Variants in SMARCC1 observed in about 807,000 individuals in gnomAD.
The protein encoded by SMARCC1 is SWI/SNF related BAF chromatin remodeling complex subunit C1, also known as SWI/SNF complex subunit SMARCC1.
SMARCC1 carries 43 observed loss-of-function variants against 147.4 expected under a neutral mutation model. The ratio of observed to expected loss-of-function variants is 0.29; its 90% CI spans 0.23 to 0.38. SMARCC1 has a LOEUF of 0.38. Ranked by LOEUF, SMARCC1 falls within the 10% of genes least tolerant of loss-of-function variation. The pLI, the probability that SMARCC1 is intolerant of heterozygous loss-of-function variation, is 1.00. For synonymous variants in SMARCC1, 495 were observed against 484.4 expected (o/e 1.02, Z -0.29); for missense variants, 1,119 against 1,381.1 (o/e 0.81, Z 3.01).
chr3:47,588,375 G>C, intron 27 of SMARCC1, 69 bp from the exon 28 acceptor site: 2 of 1,432,656 alleles, frequency 1.4e-6, no homozygotes, highest in Non-Finnish European at 1.9e-6. Context: ...AGCCTATTCA[G>C]TGAAAAAAAG....
At chr3:47,706,293 A>C in intron 10 of SMARCC1, 116 bp downstream of exon 10, 1 of 950,272 alleles carries the variant, frequency 1.1e-6, no homozygotes, top group Non-Finnish European at 1.4e-6. Flanking sequence ...GCTGGATTTG[A>C]ACTACTGACC....
At chr3:47,719,336 T>C (rs2034202053) in intron 7 of SMARCC1, among the ~76,000 whole-genome samples, 1 of 152,224 alleles carries the variant, frequency 6.6e-6, no homozygotes, top group Non-Finnish European at 1.5e-5. Flanking sequence ...AAATTTCTGA[T>C]GAGAAAACTC....
chr3:47,723,074 TA>T lies in SMARCC1; in HGVS notation c.647-2340del, dbSNP rs1295998614. 5.3e-5 allele frequency among the ~76,000 whole-genome samples: 8 copies of T among 152,152 alleles called. No homozygotes were observed. In the South Asian group the frequency reaches 1.7e-3, roughly 31 times the overall value. ...ACTGGTTTGGTGTGTGAGAGTTAGA[TA>T]AGGAGACGGTTACAGCTATATACTC... On this transcript the variant is annotated intron_variant, in intron 6 of 27. Coordinates refer to ENST00000254480, the MANE Select transcript of SMARCC1 (RefSeq NM_003074.4).
chr3:47,680,927 A>G (rs1022797829), intron 14 of SMARCC1, among the ~76,000 whole-genome samples: 8 of 152,328 alleles, frequency 5.3e-5, no homozygotes, highest in Middle Eastern at 3.4e-3. Context: ...ACTGCTTGCC[A>G]AAATTAATTG....
chr3:47,680,794 G>A (rs1289112667), intron 14 of SMARCC1, among the ~76,000 whole-genome samples: 2 of 151,868 alleles, frequency 1.3e-5, no homozygotes, highest in Non-Finnish European at 1.5e-5. Context: ...TGATCCGCCC[G>A]CCTCGGCCTC....
intron 27 of SMARCC1, 25 bp from the exon 28 acceptor site, chr3:47,588,331 CGTT>C (rs2032111539): frequency 9.4e-6 from 15 of 1,596,582 alleles, no homozygotes; most frequent in African/African-American, 1.3e-5. Flanking sequence ...AAGAGTAACT[CGTT>C]ATTGCTGGAA....
chr3:47,720,216 CG>C (rs1576421481), intron 7 of SMARCC1, among the ~76,000 whole-genome samples: 1 of 152,078 alleles, frequency 6.6e-6, no homozygotes, highest in Non-Finnish European at 1.5e-5. Flanking sequence ...CTCCACCTCC[CG>C]GGTTCAAGGG....
chr3:47,609,172 T>G (rs1370428705), intron 26 of SMARCC1, among the ~76,000 whole-genome samples: 1 of 152,062 alleles, frequency 6.6e-6, no homozygotes, highest in Non-Finnish European at 1.5e-5. Flanking sequence ...TATGATTACT[T>G]TTGTTTGATG....
chr3:47,629,061 A>C lies in SMARCC1; in HGVS notation c.2646+6129T>G, dbSNP rs559523283. On this transcript the variant is annotated intron_variant, in intron 24 of 27. Coordinates refer to ENST00000254480, the MANE Select transcript of SMARCC1 (RefSeq NM_003074.4). ...TCAAACTGTGGAGAACAATTCTGCG[A>C]GTAGGACTGGGCCCTGATGAAGGAA... 1.4e-3 allele frequency among the ~76,000 whole-genome samples: 213 copies of C among 152,348 alleles called. 1 individual carries two copies. Among genetic ancestry groups the C allele is most frequent in the African/African-American group, 4.8e-3 (200 of 41,578 alleles).
chr3:47,760,479 TG>T (rs2034760857), intron 2 of SMARCC1, among the ~76,000 whole-genome samples: 1 of 151,920 alleles, frequency 6.6e-6, no homozygotes, highest in Non-Finnish European at 1.5e-5. Context: ...CTGGCCAACA[TG>T]GTGAAACCCA....
chr3:47,762,148 T>C (rs746108922), intron 2 of SMARCC1, among the ~76,000 whole-genome samples: 6 of 152,074 alleles, frequency 3.9e-5, no homozygotes, highest in Non-Finnish European at 8.8e-5. Flanking sequence ...TTAAGAAAAA[T>C]TGTTCAAAGT....
intron 9 of SMARCC1, among the ~76,000 whole-genome samples, chr3:47,708,074 ATTTTTTTTCTTTTTTTTTTTT>A (rs2034032094): frequency 2.4e-5 from 1 of 41,624 alleles, no homozygotes; most frequent in Admixed American, 2.7e-4. Flanking sequence ...CTGAAGTTGA[ATTTTTTTTCTTTTTTTTTTTT>A]TTTTTTTTTT....
chr3:47,773,052 G>T, intron 1 of SMARCC1, 116 bp from the exon 2 acceptor site: 1 of 825,704 alleles, frequency 1.2e-6, no homozygotes, highest in Non-Finnish European at 1.9e-6. Flanking sequence ...AGATGTCTGA[G>T]ACACGCTCTG....
rs201127304 is a variant in SMARCC1 at position 47,616,823 on chromosome 3, G to GA, written c.2781+5383dup. Among the ~76,000 whole-genome samples the GA allele has an allele frequency of 3.1e-4, 46 of 149,692 alleles. 1 individual carries two copies. The highest frequency in any genetic ancestry group is 1.1e-3 in the Admixed American group (16 of 15,076). On this transcript the variant is annotated intron_variant, in intron 25 of 27. Transcript: ENST00000254480. ...ACATCTGGCTTTAAGTCATTAGAGG[G>GA]AAAAAAAAAGCTTTATATTTGATTT...
chr3:47,736,626 G>A (rs559275631), intron 4 of SMARCC1, among the ~76,000 whole-genome samples: 95 of 151,356 alleles, frequency 6.3e-4, no homozygotes, highest in African/African-American at 2.1e-3. Flanking sequence ...GCAGTGAGCC[G>A]AGATCACACC....
At chr3:47,607,124 A>G (rs183049160) in intron 26 of SMARCC1, among the ~76,000 whole-genome samples, 144 of 152,330 alleles carry the variant, frequency 9.5e-4, no homozygotes, top group African/African-American at 3.3e-3. Context: ...ATCTGATTCC[A>G]TACAAAGAAT....
At chr3:47,734,411 T>C (rs1257631643) in intron 5 of SMARCC1, among the ~76,000 whole-genome samples, 1 of 152,196 alleles carries the variant, frequency 6.6e-6, no homozygotes, top group Non-Finnish European at 1.5e-5. Flanking sequence ...TACGCAGTAT[T>C]AGAAACATTA....
At chr3:47,696,231 A>G (rs1235583975) in intron 11 of SMARCC1, among the ~76,000 whole-genome samples, 1 of 151,736 alleles carries the variant, frequency 6.6e-6, no homozygotes, top group Non-Finnish European at 1.5e-5. Flanking sequence ...AAAATTAGCC[A>G]GGCGTGGTGG....
chr3:47,750,615 T>C (rs949742380), intron 2 of SMARCC1, among the ~76,000 whole-genome samples: 1 of 152,156 alleles, frequency 6.6e-6, no homozygotes, highest in Non-Finnish European at 1.5e-5. Context: ...CATGACTGAT[T>C]CATATATTTA....
Sources: allele counts gnomAD v4.1 joint callset (sites outside exome capture counted in the v4.1 genomes callset), GRCh38; gene constraint gnomAD v4.1.1; transcripts MANE v1.5; gene names NCBI Gene and HGNC (gene_info 2026-07-23, HGNC 2026-07-21).